The following N4BP1 variants were observed in gnomAD, a reference collection of about 807,000 sequenced individuals.
N4BP1 encodes the protein NEDD4-binding protein 1.
N4BP1 carries 21 observed loss-of-function variants against 70.9 expected under a neutral mutation model. The ratio of observed to expected loss-of-function variants is 0.30; its 90% CI spans 0.21 to 0.43. The LOEUF is 0.43. N4BP1 is among the 20% of genes least tolerant of loss of function. N4BP1 has a pLI of 1.00. For missense variants in N4BP1, 936 were observed against 1,069.4 expected (o/e 0.88, Z 1.74); for synonymous variants, 387 against 394.6 (o/e 0.98, Z 0.23).
intron 1 of N4BP1, among the ~76,000 whole-genome samples, chr16:48,571,911 C>CA (rs1183652465): frequency 6.6e-6 from 1 of 152,044 alleles, no homozygotes. Context: ...AACCAGAATA[C>CA]ACAGGAAGCC....
Position 48,600,246 on chromosome 16 carries a change from T to C in N4BP1, c.198+9529A>G. Reference sequence around the variant, plus strand: ...GTTCATCCGCAACGACTGAAAGGTGTTCAGATTTTGTAAATCTAAATGTCA... The same window carrying C: ...GTTCATCCGCAACGACTGAAAGGTGCTCAGATTTTGTAAATCTAAATGTCA... On this transcript the variant is annotated intron_variant, in intron 1 of 6. Coordinates refer to ENST00000262384, the MANE Select transcript of N4BP1 (RefSeq NM_153029.4). 4 of 910,344 alleles carry C rather than the reference T, an allele frequency of 4.4e-6. No individual in the cohort carries two copies. In the South Asian group the frequency reaches 5.2e-5, roughly 12 times the overall value. 56.4% of individuals were successfully genotyped at this position (910,344 alleles called of 1,614,324 possible).
intron 6 of N4BP1, among the ~76,000 whole-genome samples, chr16:48,545,367 C>T (rs1309538562): frequency 4.6e-5 from 7 of 150,782 alleles, no homozygotes; most frequent in African/African-American, 7.3e-5. Context: ...GTCAGGAGTT[C>T]GAGACCAGCC....
chr16:48,582,398 G>C (rs1163719580), intron 1 of N4BP1, among the ~76,000 whole-genome samples: 1 of 152,132 alleles, frequency 6.6e-6, no homozygotes, highest in East Asian at 1.9e-4. Flanking sequence ...ACAGACAGTA[G>C]CTGCCTTGGT....
At chr16:48,581,624 C>T (rs1964175357) in intron 1 of N4BP1, among the ~76,000 whole-genome samples, 2 of 152,034 alleles carry the variant, frequency 1.3e-5, no homozygotes, top group Non-Finnish European at 2.9e-5. Context: ...TAAATTTAAC[C>T]AAGGAGTTCA....
At chr16:48,571,903 C>T (rs1435925308) in intron 1 of N4BP1, among the ~76,000 whole-genome samples, 1 of 152,034 alleles carries the variant, frequency 6.6e-6, no homozygotes, top group Non-Finnish European at 1.5e-5. Context: ...TTTCCCAGAA[C>T]CAGAATACAC....
At chr16:48,545,588 A>T (rs918812889) in intron 6 of N4BP1, among the ~76,000 whole-genome samples, 1 of 151,292 alleles carries the variant, frequency 6.6e-6, no homozygotes, top group African/African-American at 2.4e-5. Context: ...CAAAAAAAAT[A>T]AATCAATAAA....
chr16:48,563,355 T>TA lies in N4BP1; in HGVS notation c.199-912dup, dbSNP rs1162358488. Reference sequence around the variant, plus strand: ...GGGCCAAAGAGCGGGACCCTATCTCTAAAAAAAAATTTTTTAAATTTTTAA... The same window carrying TA: ...GGGCCAAAGAGCGGGACCCTATCTCTAAAAAAAAAATTTTTTAAATTTTTAA... On this transcript the variant is annotated intron_variant, in intron 1 of 6. Transcript: ENST00000262384. Among the ~76,000 whole-genome samples, 6 of 150,946 alleles carry TA rather than the reference T, an allele frequency of 4.0e-5. No individual in the cohort carries two copies. In the East Asian group the frequency reaches 7.8e-4, roughly 20 times the overall value.
In N4BP1 at chr16:48,561,883, C is replaced by T. The variant is rs767725629; in HGVS notation, c.760G>A (p.Val254Ile). The T allele has an allele frequency of 2.8e-5, 45 of 1,613,832 alleles. No individual in the cohort carries two copies. Among genetic ancestry groups the T allele is most frequent in the Non-Finnish European group, 3.6e-5 (43 of 1,179,892 alleles). ...VSELTKQMDT[V>I]LSSSPDVLFD... Reference sequence around the variant, plus strand: ...AGCACATCTGGTGAGCTAGAAAGGACTGTGTCCATTTGTTTTGTAAGCTCA... The same window carrying T: ...AGCACATCTGGTGAGCTAGAAAGGATTGTGTCCATTTGTTTTGTAAGCTCA... Residue 254 changes from valine (V) to isoleucine (I), a missense_variant, in exon 2 of 7, where the codon GTC becomes ATC. Around this residue, in one of 4 missense-constraint regions of N4BP1, gnomAD observed 515 missense variants for 491.7 expected, o/e 1.05. Coordinates refer to ENST00000262384, the MANE Select transcript of N4BP1 (RefSeq NM_153029.4).
chr16:48,567,461 G>A (rs978959467), intron 1 of N4BP1, among the ~76,000 whole-genome samples: 7 of 152,032 alleles, frequency 4.6e-5, no homozygotes, highest in Non-Finnish European at 1.0e-4. Flanking sequence ...GGGATTACAG[G>A]TGCACACCAC....
intron 1 of N4BP1, among the ~76,000 whole-genome samples, chr16:48,606,972 G>T (rs1031463080): frequency 7.9e-5 from 12 of 151,924 alleles, no homozygotes; most frequent in Admixed American, 1.3e-4. Context: ...CAAAATAATG[G>T]TTTTCTCCTC....
In N4BP1 at chr16:48,562,192, G is replaced by C. The variant is rs765920247; in HGVS notation, c.451C>G (p.Gln151Glu). 3.1e-6 allele frequency: 5 copies of C among 1,613,938 alleles called. No homozygotes were observed. The South Asian group carries it at 5.5e-5, about 18-fold the overall frequency. Reference protein sequence around the residue: ...FENKENLPSSQKESEVKREFK... With the variant: ...FENKENLPSSEKESEVKREFK... ...TCCCTTTTCACCTCTGATTCTTTCT[G>C]ACTACTGGGTAGGTTCTCTTTATTT... Residue 151 changes from glutamine (Q) to glutamate (E), a missense_variant, in exon 2 of 7, where the codon CAG (glutamine) becomes GAG (glutamate). Physicochemically the swap from Gln to Glu is conservative, Grantham distance 29. Around this residue, in one of 4 missense-constraint regions of N4BP1, gnomAD observed 187 missense variants for 217.1 expected, o/e 0.86. Coordinates refer to ENST00000262384, the MANE Select transcript of N4BP1 (RefSeq NM_153029.4).
intron 2 of N4BP1, chr16:48,559,564 T>C (rs929213315): frequency 6.6e-6 from 1 of 152,168 alleles, no homozygotes; most frequent in Admixed American, 6.5e-5. Flanking sequence ...AAGAGTATTC[T>C]TGTAAAAAAA....
intron 1 of N4BP1, among the ~76,000 whole-genome samples, chr16:48,592,258 T>A (rs1022168601): frequency 5.9e-5 from 9 of 152,168 alleles, no homozygotes; most frequent in Non-Finnish European, 8.8e-5. Flanking sequence ...CAAAATCGGC[T>A]GACTGGGTTT....
intron 1 of N4BP1, among the ~76,000 whole-genome samples, chr16:48,568,419 A>T (rs1963971746): frequency 6.6e-6 from 1 of 152,214 alleles, no homozygotes; most frequent in Non-Finnish European, 1.5e-5. Context: ...TATGAAACTC[A>T]TTTTAAAGAA....
intron 1 of N4BP1, chr16:48,577,628 C>G: frequency 4.5e-6 from 1 of 220,606 alleles, no homozygotes; most frequent in Non-Finnish European, 9.5e-6. Context: ...TTGGTGAACA[C>G]AGTCTTCTTC....
At chr16:48,569,937 T>G (rs1963991732) in intron 1 of N4BP1, among the ~76,000 whole-genome samples, 1 of 152,206 alleles carries the variant, frequency 6.6e-6, no homozygotes, top group Non-Finnish European at 1.5e-5. Context: ...GCTCTCCCTT[T>G]GGTCCTCCAC....
intron 1 of N4BP1, among the ~76,000 whole-genome samples, chr16:48,596,319 T>C (rs1964414101): frequency 6.6e-6 from 1 of 152,228 alleles, no homozygotes; most frequent in Non-Finnish European, 1.5e-5. Flanking sequence ...ACTTAAATGC[T>C]GTACTAAAAC....
At chr16:48,576,893 T>C (rs2151094228) in intron 1 of N4BP1, among the ~76,000 whole-genome samples, 1 of 152,316 alleles carries the variant, frequency 6.6e-6, no homozygotes, top group Non-Finnish European at 1.5e-5. Context: ...ATTTCTGTCC[T>C]TTCATCTTCA....
At chr16:48,583,929 A>G (rs924134101) in intron 1 of N4BP1, among the ~76,000 whole-genome samples, 12 of 152,172 alleles carry the variant, frequency 7.9e-5, no homozygotes, top group African/African-American at 2.9e-4. Flanking sequence ...TTTGGCTCCC[A>G]GAGTACCAAG....
Sources: allele counts gnomAD v4.1 joint callset (sites outside exome capture counted in the v4.1 genomes callset), GRCh38; gene constraint gnomAD v4.1.1; regional missense constraint gnomAD v4.1.1; transcripts MANE v1.5; gene names NCBI Gene and HGNC (gene_info 2026-07-23, HGNC 2026-07-21).